Variants in TFEC observed in about 807,000 individuals in gnomAD.
The protein encoded by TFEC is class E basic helix-loop-helix protein 34.
A neutral mutation model predicts 41.6 loss-of-function variants in TFEC; 31 were observed. The observed-to-expected ratio is 0.74, with a 90% CI of 0.56 to 1.01. TFEC has a LOEUF of 1.01. Among genes scored for constraint, TFEC ranks in the 50% least tolerant of loss-of-function variants. TFEC has a pLI of 0.00. For missense variants in TFEC, 402 were observed against 404.1 expected (o/e 0.99, Z 0.04); for synonymous variants, 143 against 140.6 (o/e 1.02, Z -0.12).
chr7:115,954,933 T>C (rs1185782116), intron 4 of TFEC, among the ~76,000 whole-genome samples: 5 of 152,056 alleles, frequency 3.3e-5, no homozygotes, highest in Non-Finnish European at 7.4e-5. Flanking sequence ...TCTTCATCTG[T>C]AAAATGACTA....
chr7:116,108,981 C>T (rs1472970126), intron 3 of TFEC, among the ~76,000 whole-genome samples: 2 of 152,008 alleles, frequency 1.3e-5, no homozygotes, highest in Non-Finnish European at 2.9e-5. Context: ...GAAAGGATTC[C>T]CTATTTAATA....
intron 3 of TFEC, among the ~76,000 whole-genome samples, chr7:116,089,770 G>A (rs1001444770): frequency 6.6e-6 from 1 of 152,136 alleles, no homozygotes; most frequent in African/African-American, 2.4e-5. Flanking sequence ...GGGCTTTGAG[G>A]ACAGGTAAAT....
intron 3 of TFEC, among the ~76,000 whole-genome samples, chr7:116,059,975 A>G (rs1311849530): frequency 4.6e-5 from 7 of 152,110 alleles, no homozygotes; most frequent in Non-Finnish European, 8.8e-5. Flanking sequence ...ATAAGGCAGA[A>G]AAATGACATT....
chr7:116,125,227 A>G (rs1252535213), intron 1 of TFEC, among the ~76,000 whole-genome samples: 1 of 152,192 alleles, frequency 6.6e-6, no homozygotes, highest in Non-Finnish European at 1.5e-5. Flanking sequence ...TGGTTTAAAT[A>G]TGCAGGGTTG....
At chr7:116,065,019 A>G (rs544628341) in intron 3 of TFEC, among the ~76,000 whole-genome samples, 22 of 152,318 alleles carry the variant, frequency 1.4e-4, no homozygotes, top group Admixed American at 1.3e-4. Context: ...TGTTCTCCTG[A>G]AAACAGGAGG....
chr7:115,979,930 A>G (rs913796733), intron 2 of TFEC, among the ~76,000 whole-genome samples: 1 of 152,190 alleles, frequency 6.6e-6, no homozygotes, highest in African/African-American at 2.4e-5. Context: ...CTGTTCATGT[A>G]GCATGAAACT....
At chr7:116,098,219 T>C (rs1196367562) in intron 3 of TFEC, among the ~76,000 whole-genome samples, 1 of 152,028 alleles carries the variant, frequency 6.6e-6, no homozygotes, top group African/African-American at 2.4e-5. Flanking sequence ...GAGTGCAGTG[T>C]CACGATCTCG....
At chr7:115,986,037 C>T (rs958925160) in intron 1 of TFEC, among the ~76,000 whole-genome samples, 2 of 152,146 alleles carry the variant, frequency 1.3e-5, no homozygotes, top group Non-Finnish European at 2.9e-5. Flanking sequence ...GAATTTACAA[C>T]ATGCATTAAC....
chr7:115,982,071 A>T (rs1304109182), intron 2 of TFEC, among the ~76,000 whole-genome samples: 1 of 152,180 alleles, frequency 6.6e-6, no homozygotes, highest in Non-Finnish European at 1.5e-5. Context: ...TCAGTCTTCA[A>T]GTTACTCCTA....
At chr7:116,102,202 A>T (rs1300817794) in intron 3 of TFEC, among the ~76,000 whole-genome samples, 2 of 152,188 alleles carry the variant, frequency 1.3e-5, no homozygotes, top group African/African-American at 2.4e-5. Flanking sequence ...CTAAGGATCA[A>T]CCATGTGATT....
chr7:116,101,519 C>A (rs1797604619), intron 3 of TFEC, among the ~76,000 whole-genome samples: 1 of 152,148 alleles, frequency 6.6e-6, no homozygotes, highest in Non-Finnish European at 1.5e-5. Context: ...ACACTTTACA[C>A]AATCTGTGGA....
intron 3 of TFEC, among the ~76,000 whole-genome samples, chr7:116,074,611 T>C (rs972339440): frequency 6.6e-6 from 1 of 152,040 alleles, no homozygotes; most frequent in Non-Finnish European, 1.5e-5. Context: ...TAATAATAAT[T>C]TTTGGTGAGG....
intron 3 of TFEC, among the ~76,000 whole-genome samples, chr7:116,081,984 T>A (rs1419597471): frequency 1.3e-5 from 2 of 151,932 alleles, no homozygotes; most frequent in African/African-American, 4.8e-5. Flanking sequence ...AGTGGATCCT[T>A]TCTTCTGCTC....
At chr7:116,004,916 G>T (rs774684211) in intron 1 of TFEC, among the ~76,000 whole-genome samples, 4 of 152,070 alleles carry the variant, frequency 2.6e-5, no homozygotes, top group Middle Eastern at 3.2e-3. Context: ...CTGAATCATG[G>T]GGGCAGGTCT....
intron 1 of TFEC, among the ~76,000 whole-genome samples, chr7:116,002,838 T>C (rs1055041876): frequency 6.6e-6 from 1 of 152,002 alleles, no homozygotes; most frequent in Non-Finnish European, 1.5e-5. Flanking sequence ...AAAAAGAAAG[T>C]GGACTTGGAT....
intron 3 of TFEC, among the ~76,000 whole-genome samples, chr7:116,076,719 A>G (rs1584487023): frequency 6.6e-6 from 1 of 151,924 alleles, no homozygotes; most frequent in East Asian, 1.9e-4. Context: ...CAGTCCAACA[A>G]AGACAAAGAA....
chr7:115,981,989 T>C (rs1389862951), intron 2 of TFEC, among the ~76,000 whole-genome samples: 1 of 152,138 alleles, frequency 6.6e-6, no homozygotes, highest in Non-Finnish European at 1.5e-5. Context: ...TGGGTAGAAG[T>C]TTGAATTGTA....
At chr7:116,061,724 A>C (rs1446809505) in intron 3 of TFEC, among the ~76,000 whole-genome samples, 5 of 152,184 alleles carry the variant, frequency 3.3e-5, no homozygotes, top group Non-Finnish European at 1.5e-5. Flanking sequence ...GTGTATATTC[A>C]GAATATGTTC....
chr7:115,945,880 T>C (rs1305026150), intron 6 of TFEC, among the ~76,000 whole-genome samples: 1 of 151,750 alleles, frequency 6.6e-6, no homozygotes, highest in Non-Finnish European at 1.5e-5. Flanking sequence ...TCATTCCATG[T>C]TGTCTGTGTC....
Sources: allele counts gnomAD v4.1 joint callset (sites outside exome capture counted in the v4.1 genomes callset), GRCh38; gene constraint gnomAD v4.1.1; transcripts MANE v1.5; gene names NCBI Gene and HGNC (gene_info 2026-07-23, HGNC 2026-07-21).